The following ALLC variants were observed in gnomAD, a reference collection of about 807,000 sequenced individuals.
The protein encoded by ALLC is allantoicase.
ALLC carries 40 observed loss-of-function variants against 45.0 expected under a neutral mutation model. The ratio of observed to expected loss-of-function variants is 0.89; its 90% CI spans 0.69 to 1.16. The LOEUF (loss-of-function observed/expected upper bound fraction) is 1.16. ALLC is among the 50% of genes most tolerant of loss of function. The pLI is 0.00. For missense variants in ALLC, 488 were observed against 493.1 expected (o/e 0.99, Z 0.10); for synonymous variants, 176 against 178.1 (o/e 0.99, Z 0.09).
At position 3,702,373 on chromosome 2, in the gene ALLC, A is replaced by G. The variant is rs1480848161; in HGVS notation, c.986A>G (p.Asn329Ser). 1 of 1,613,014 alleles carries G rather than the reference A, an allele frequency of 6.2e-7. No individual in the cohort carries two copies. Among genetic ancestry groups the G allele is most frequent in the Non-Finnish European group, 8.5e-7 (1 of 1,179,750 alleles). ...PLLPVTKLSP[N>S]QSHLFDSLTL... ...CTGCTTGCTTTTCAGTTGTCTCCCA[A>G]CCAAAGTCATCTGTTCGATAGCCTG... Residue 329 changes from asparagine (N) to serine (S), a missense_variant, in exon 12 of 12, where the codon AAC becomes AGC. Transcript: ENST00000252505.
chr2:3,669,162 C>T (rs1454873040), intron 1 of ALLC, among the ~76,000 whole-genome samples: 2 of 151,608 alleles, frequency 1.3e-5, no homozygotes, highest in Admixed American at 6.6e-5. Flanking sequence ...CATGGTGAAA[C>T]CTCATCTCTA....
At chr2:3,664,818 A>G (rs531711322) in intron 1 of ALLC, among the ~76,000 whole-genome samples, 12 of 151,412 alleles carry the variant, frequency 7.9e-5, no homozygotes, top group Non-Finnish European at 2.9e-5. Flanking sequence ...CAAGAGTTTG[A>G]GGCTGCAGTG....
the ALLC span, among the ~76,000 whole-genome samples, chr2:3,651,868 C>T: frequency 6.6e-6 from 1 of 152,148 alleles, no homozygotes; most frequent in African/African-American, 2.4e-5. Flanking sequence ...CGCGCTCTGC[C>T]CACGCCGTAG....
the ALLC span, among the ~76,000 whole-genome samples, chr2:3,647,534 T>C: frequency 1.3e-3 from 118 of 93,222 alleles, no homozygotes; most frequent in Middle Eastern, 0.014. Flanking sequence ...CTCACCCATC[T>C]TCTCCTGATG....
chr2:3,655,849 C>T (rs563679382), upstream of ALLC, among the ~76,000 whole-genome samples: 1 of 152,158 alleles, frequency 6.6e-6, no homozygotes, highest in African/African-American at 2.4e-5. Context: ...ATAAGACAAG[C>T]CTCGAGCATT....
intron 1 of ALLC, among the ~76,000 whole-genome samples, chr2:3,669,424 A>T (rs887258401): frequency 4.6e-5 from 7 of 152,142 alleles, no homozygotes; most frequent in African/African-American, 1.4e-4. Context: ...CAGTGAGCTG[A>T]GATCATGCCG....
intron 3 of ALLC, among the ~76,000 whole-genome samples, chr2:3,675,708 C>A (rs1225195727): frequency 6.6e-6 from 1 of 152,126 alleles, no homozygotes; most frequent in African/African-American, 2.4e-5. Context: ...AATAACATTA[C>A]AGATAAATGT....
At chr2:3,651,736 A>G in the ALLC span, among the ~76,000 whole-genome samples, 2 of 151,894 alleles carry the variant, frequency 1.3e-5, no homozygotes, top group African/African-American at 4.8e-5. Context: ...GGCGGGAAAC[A>G]TGCCCGGCGT....
intron 1 of ALLC, among the ~76,000 whole-genome samples, chr2:3,670,889 C>T (rs1445877663): frequency 6.9e-6 from 1 of 144,550 alleles, no homozygotes; most frequent in Non-Finnish European, 1.5e-5. Context: ...GTTCTAATTC[C>T]TTCCCCGTTT....
chr2:3,655,563 C>T (rs1666419538), upstream of ALLC, among the ~76,000 whole-genome samples: 1 of 152,206 alleles, frequency 6.6e-6, no homozygotes, highest in African/African-American at 2.4e-5. Context: ...TCAAGCGATC[C>T]TCCCACCTCA....
the ALLC span, among the ~76,000 whole-genome samples, chr2:3,651,301 T>TGGGGGGGGGGGGG: frequency 2.6e-4 from 2 of 7,764 alleles, no homozygotes; most frequent in Admixed American, 1.6e-3. Flanking sequence ...TCTTTTTGGG[T>TGGGGGGGGGGGGG]GGGTGGGTGG....
the ALLC span, among the ~76,000 whole-genome samples, chr2:3,646,990 A>C: frequency 3.3e-5 from 5 of 151,992 alleles, no homozygotes; most frequent in Non-Finnish European, 5.9e-5. Flanking sequence ...AGTGGTCCCC[A>C]CTTCTGGTCT....
At position 3,689,339 on chromosome 2, in the gene ALLC, G is replaced by A. The variant is rs758376003; in HGVS notation, c.511+6265G>A. On this transcript the variant is annotated intron_variant, in intron 7 of 11. Transcript: ENST00000252505. ...AAGTCTTTCTACTTCTTTGGTATAG[G>A]TATTTATTGCTATAAACTTCCCTCT... Among the ~76,000 whole-genome samples the A allele has an allele frequency of 2.6e-4, 39 of 150,666 alleles. 4 individuals carry two copies. The highest frequency in any genetic ancestry group is 4.4e-4 in the Non-Finnish European group (30 of 67,494).
At chr2:3,700,532 G>A (rs1667798286) in intron 10 of ALLC, among the ~76,000 whole-genome samples, 1 of 152,148 alleles carries the variant, frequency 6.6e-6, no homozygotes, top group South Asian at 2.1e-4. Context: ...ACTGCAACAG[G>A]TCATGAATCT....
At chr2:3,682,075 A>G (rs1054190887) in intron 6 of ALLC, among the ~76,000 whole-genome samples, 7 of 152,078 alleles carry the variant, frequency 4.6e-5, no homozygotes, top group South Asian at 2.1e-4. Context: ...GAAACGGGGG[A>G]AAAAAATAAA....
intron 9 of ALLC, 24 bp downstream of exon 9, chr2:3,696,372 G>T (rs1192696482): frequency 5.1e-6 from 8 of 1,570,788 alleles, no homozygotes; most frequent in Non-Finnish European, 6.9e-6. Context: ...AATAACTATG[G>T]TTTAAAGTTT....
chr2:3,647,547 C>G, the ALLC span, among the ~76,000 whole-genome samples: 1,696 of 150,316 alleles, frequency 0.011, 79 homozygotes, highest in African/African-American at 0.04. Flanking sequence ...TCCTGATGCC[C>G]CTGGGGGTCG....
chr2:3,666,038 G>T lies in ALLC; in HGVS notation c.-62-5058G>T, dbSNP rs201178050. On this transcript the variant is annotated intron_variant, in intron 1 of 11. Coordinates refer to ENST00000252505, the MANE Select transcript of ALLC (RefSeq NM_018436.4). ...ATGGAATGCTCTGTGTAGGTTATCGGAGGCACACCAAAGGAAAAGATGAAA... is the reference window on the plus strand; with the variant it reads ...ATGGAATGCTCTGTGTAGGTTATCGTAGGCACACCAAAGGAAAAGATGAAA... 2.0e-5 allele frequency among the ~76,000 whole-genome samples: 3 copies of T among 151,894 alleles called. No homozygotes were observed. The East Asian group carries it at 5.8e-4, about 29-fold the overall frequency.
At chr2:3,649,239 ACTT>A in the ALLC span, among the ~76,000 whole-genome samples, 9 of 138,756 alleles carry the variant, frequency 6.5e-5, no homozygotes, top group African/African-American at 1.9e-4. Flanking sequence ...GACCCCAAAC[ACTT>A]CTTTTTTTTT....
Sources: allele counts gnomAD v4.1 joint callset (sites outside exome capture counted in the v4.1 genomes callset), GRCh38; gene constraint gnomAD v4.1.1; transcripts MANE v1.5; gene names NCBI Gene and HGNC (gene_info 2026-07-23, HGNC 2026-07-21).